MYO15B: variants seen among roughly 807,000 people sequenced by gnomAD.
MYO15B encodes the protein myosin XVB.
MYO15B carries 207 observed loss-of-function variants against 119.3 expected under a neutral mutation model. The observed-to-expected ratio is 1.73, with a 90% CI of 1.55 to 1.95. The LOEUF (loss-of-function observed/expected upper bound fraction) is 1.95, where lower values mean the gene tolerates loss of function less well. Ranked by LOEUF, MYO15B falls within the 30% of genes most tolerant of loss-of-function variation. MYO15B has a pLI of 0.00. For missense variants in MYO15B, 2,264 were observed against 1,203.1 expected (o/e 1.88, Z -13.04); for synonymous variants, 966 against 498.9 (o/e 1.94, Z -12.48).
At chr17:75,608,330 G>T (rs1445271512) in intron 21 of MYO15B, among the ~76,000 whole-genome samples, 1 of 151,984 alleles carries the variant, frequency 6.6e-6, no homozygotes, top group East Asian at 1.9e-4. Flanking sequence ...TGTTGGCCAG[G>T]CTGGTCTCGA....
chr17:75,609,792 A>G (rs1211945533), intron 21 of MYO15B, among the ~76,000 whole-genome samples: 1 of 133,710 alleles, frequency 7.5e-6, no homozygotes, highest in Non-Finnish European at 1.5e-5. Context: ...TTGAATCTCC[A>G]CCTCCCAGGT....
At chr17:75,606,095 G>A in intron 21 of MYO15B, 74 bp downstream of exon 21, 1 of 611,458 alleles carries the variant, frequency 1.6e-6, no homozygotes, top group Non-Finnish European at 3.0e-6. Flanking sequence ...TGGTGGGGCA[G>A]GGTTGGGGAA....
exon 46 of MYO15B, chr17:75,619,683 C>T (rs898724872): frequency 2.6e-5 from 18 of 702,734 alleles, no homozygotes; most frequent in East Asian, 1.3e-4. Flanking sequence ...TCCTGTAGGG[C>T]GAGAGTGGCA....
At chr17:75,623,848 C>T in exon 54 of MYO15B, 1 of 672,634 alleles carries the variant, frequency 1.5e-6, no homozygotes, top group East Asian at 2.8e-5. Flanking sequence ...ACGGGACACC[C>T]CCGGCCGTGA....
At chr17:75,588,340 G>T (rs2056193381) in exon 1 of MYO15B, 1 of 398,398 alleles carries the variant, frequency 2.5e-6, no homozygotes, top group African/African-American at 2.1e-5. Flanking sequence ...GCAAAGCAAC[G>T]CGCAGCGTCA....
intron 21 of MYO15B, among the ~76,000 whole-genome samples, chr17:75,608,843 C>G (rs2057820111): frequency 6.6e-6 from 1 of 152,144 alleles, no homozygotes; most frequent in Non-Finnish European, 1.5e-5. Flanking sequence ...AAGCGATTCT[C>G]CTGCCTCAGC....
At chr17:75,594,815 GC>G (rs757788925) in intron 11 of MYO15B, 24 bp from the exon 12 acceptor site, 47 of 702,572 alleles carry the variant, frequency 6.7e-5, no homozygotes, top group Admixed American at 1.4e-4. Context: ...GCTCTATGTG[GC>G]TCACCCACCC....
chr17:75,602,953 C>A lies in MYO15B; in HGVS notation c.3845+8C>A. On this transcript the variant is annotated splice_region_variant and intron_variant, in intron 17 of 63. Coordinates refer to ENST00000645453, the Ensembl canonical transcript of MYO15B. ...CATAGCCCGGCTGGGCAGGTAAGAA[C>A]AGCGCCCGCCACACCAGACCCCAGG... The A allele has an allele frequency of 1.4e-6, 1 of 692,776 alleles. No individual in the cohort carries two copies. The highest frequency in any genetic ancestry group is 2.6e-6 in the Non-Finnish European group (1 of 379,332). The allele number at this position is 692,776 out of a possible 1,614,324, so 42.9% of individuals were successfully genotyped here.
exon 45 of MYO15B, chr17:75,619,403 G>A (rs747619798): frequency 1.4e-6 from 1 of 702,754 alleles, no homozygotes; most frequent in Non-Finnish European, 2.6e-6. Context: ...ACCGAAGACA[G>A]CGTCAAGAAG....
At chr17:75,594,245 C>A (rs1291135150) in intron 9 of MYO15B, among the ~76,000 whole-genome samples, 1 of 152,152 alleles carries the variant, frequency 6.6e-6, no homozygotes, top group African/African-American at 2.4e-5. Context: ...CCGTGGGGCG[C>A]AGGAAGGAAG....
In MYO15B at chr17:75,602,608, C is replaced by A; in HGVS notation, c.3729+14C>A. 1.5e-6 allele frequency: 1 copy of A among 659,962 alleles called. No homozygotes were observed. The highest frequency in any genetic ancestry group is 1.7e-5 in the South Asian group (1 of 59,452). The allele number at this position is 659,962 out of a possible 1,614,324, so 40.9% of individuals were successfully genotyped here. A position where few individuals can be genotyped will look rare whatever the true frequency, so the allele number is the denominator to read the frequency against. On this transcript the variant is annotated intron_variant, in intron 16 of 63. Coordinates refer to ENST00000645453, the Ensembl canonical transcript of MYO15B. ...AGCCAGCTCCAGGTGCCCATCTGCC[C>A]TTCCAGGCCCCCACCCGCTCCATAC...
At chr17:75,626,528 G>A in exon 64 of MYO15B, 1 of 702,732 alleles carries the variant, frequency 1.4e-6, no homozygotes, top group Non-Finnish European at 2.6e-6. Context: ...GCCTCCCCCG[G>A]CCCAAGTCTC....
intron 21 of MYO15B, chr17:75,606,983 C>T (rs1670994): frequency 0.023 from 9,310 of 398,596 alleles, 137 homozygotes; most frequent in Middle Eastern, 0.047. Context: ...TCTGCCTCAT[C>T]TACCCTTGGG....
At chr17:75,588,134 G>A in exon 1 of MYO15B, 1 of 398,208 alleles carries the variant, frequency 2.5e-6, no homozygotes, top group Non-Finnish European at 4.4e-6. Context: ...CAGGAGTCGG[G>A]GTCGGCCAGC....
chr17:75,588,393 G>A (rs1040583073), exon 1 of MYO15B: 39 of 398,618 alleles, frequency 9.8e-5, no homozygotes, highest in Admixed American at 1.3e-4. Context: ...GCCTGGAGGA[G>A]GGAAGCCTCT....
exon 27 of MYO15B, chr17:75,613,024 C>T: frequency 1.4e-6 from 1 of 698,442 alleles, no homozygotes; most frequent in Non-Finnish European, 2.6e-6. Context: ...AGAGGCAGAT[C>T]ATGGGCGCAT....
Position 75,593,053 on chromosome 17 carries a change from C to T in MYO15B, c.2991+213C>T, listed in dbSNP as rs192498437. The T allele has an allele frequency of 2.2e-4, 114 of 522,104 alleles. No homozygotes were observed. The East Asian group carries it at 3.1e-3, about 14-fold the overall frequency. 32.3% of individuals were successfully genotyped at this position (522,104 alleles called of 1,614,324 possible). On this transcript the variant is annotated intron_variant, in intron 9 of 63. Coordinates refer to ENST00000645453, the Ensembl canonical transcript of MYO15B. ...GCCTCTAAGCTGCCACCCCTAAGAA[C>T]ATCTGGCATTAGATGAGCAGCTATG...
At chr17:75,603,464 C>T (rs936073946) in intron 19 of MYO15B, among the ~76,000 whole-genome samples, 152 bp downstream of exon 19, 3 of 151,266 alleles carry the variant, frequency 2.0e-5, no homozygotes, top group Non-Finnish European at 4.4e-5. Context: ...CTCTCATCCT[C>T]TCTCTCTCTC....
At position 75,620,454 on chromosome 17, in the gene MYO15B, G is replaced by C. The variant is rs933061449; in HGVS notation, c.7556-13G>C. 10 of 702,396 alleles carry C rather than the reference G, an allele frequency of 1.4e-5. No homozygotes were observed. In the African/African-American group the frequency reaches 1.7e-4, roughly 12 times the overall value. 43.5% of individuals were successfully genotyped at this position (702,396 alleles called of 1,614,324 possible). ...GGTCCAGTGGGTGAGCCACATCCCTGGGTGCCTTCCAGGCTGGCAGTTTGG... is the reference window on the plus strand; with the variant it reads ...GGTCCAGTGGGTGAGCCACATCCCTCGGTGCCTTCCAGGCTGGCAGTTTGG... On this transcript the variant is annotated splice_polypyrimidine_tract_variant and intron_variant, in intron 48 of 63. Coordinates refer to ENST00000645453, the Ensembl canonical transcript of MYO15B.
Sources: gnomAD v4.1 joint callset for allele counts (sites outside exome capture counted in the v4.1 genomes callset) on GRCh38, gnomAD v4.1.1 for gene constraint, MANE v1.5 for transcripts, NCBI Gene and HGNC (gene_info 2026-07-23, HGNC 2026-07-21) for gene names.